PRKCE: variants seen among roughly 807,000 people sequenced by gnomAD.
PRKCE encodes the protein protein kinase C epsilon.
A neutral mutation model predicts 85.4 loss-of-function variants in PRKCE; 16 were observed. The ratio of observed to expected loss-of-function variants is 0.19; its 90% CI spans 0.13 to 0.28. PRKCE has a LOEUF of 0.28. PRKCE is among the 10% of genes least tolerant of loss of function. The pLI is 1.00. For missense variants in PRKCE, 573 were observed against 975.2 expected (o/e 0.59, Z 5.49); for synonymous variants, 388 against 371.5 (o/e 1.04, Z -0.51).
At chr2:45,761,866 C>T (rs549989817) in intron 1 of PRKCE, among the ~76,000 whole-genome samples, 61 of 152,288 alleles carry the variant, frequency 4.0e-4, no homozygotes, top group South Asian at 1.7e-3. Flanking sequence ...TGCATCCCAT[C>T]GGTCCCTTCC....
chr2:46,010,792 C>A, intron 10 of PRKCE: 1 of 1,591,024 alleles, frequency 6.3e-7, no homozygotes. Context: ...ACTGTTTGCT[C>A]ATTGGAAAAA....
intron 1 of PRKCE, among the ~76,000 whole-genome samples, chr2:45,794,543 G>C (rs774180306): frequency 6.6e-6 from 1 of 152,106 alleles, no homozygotes; most frequent in Non-Finnish European, 1.5e-5. Context: ...GGCTTTCTGT[G>C]GTTTCAAGCG....
intron 1 of PRKCE, among the ~76,000 whole-genome samples, chr2:45,728,521 C>T (rs1052595834): frequency 6.6e-6 from 1 of 152,124 alleles, no homozygotes; most frequent in Non-Finnish European, 1.5e-5. Flanking sequence ...GGTGCAAGTG[C>T]TATTGGGTGT....
chr2:45,850,166 A>G (rs140217278), intron 2 of PRKCE, among the ~76,000 whole-genome samples: 12 of 152,340 alleles, frequency 7.9e-5, no homozygotes, highest in African/African-American at 9.6e-5. Flanking sequence ...TGGAGAGCAG[A>G]GCTCTTTTGA....
intron 9 of PRKCE, among the ~76,000 whole-genome samples, chr2:46,008,359 G>C (rs1183513057): frequency 1.3e-5 from 2 of 152,198 alleles, no homozygotes; most frequent in Non-Finnish European, 2.9e-5. Context: ...GGCTGGGTGA[G>C]ATGGAAAAAT....
chr2:46,100,488 C>A lies in PRKCE; in HGVS notation c.1592+14126C>A, dbSNP rs547644979. Among the ~76,000 whole-genome samples, 4 of 152,310 alleles carry A rather than the reference C, an allele frequency of 2.6e-5. No individual in the cohort carries two copies. The East Asian group carries it at 7.7e-4, about 29-fold the overall frequency. ...TAAGCAAGAACTGCTGGCCGAGGAG[C>A]AGGGATGCTTGCTCAGAAGTCCTAG... On this transcript the variant is annotated intron_variant, in intron 11 of 14. Transcript: ENST00000306156.
chr2:45,672,629 C>A (rs547905173), intron 1 of PRKCE, among the ~76,000 whole-genome samples: 1 of 152,332 alleles, frequency 6.6e-6, no homozygotes, highest in African/African-American at 2.4e-5. Flanking sequence ...ATTGACCAGA[C>A]TACCCTGTGG....
chr2:45,735,449 A>T (rs1681974223), intron 1 of PRKCE, among the ~76,000 whole-genome samples: 1 of 152,224 alleles, frequency 6.6e-6, no homozygotes, highest in African/African-American at 2.4e-5. Flanking sequence ...TCCTCCATGG[A>T]TTAGCTTTGG....
At chr2:45,688,920 G>T (rs192175120) in intron 1 of PRKCE, among the ~76,000 whole-genome samples, 36 of 152,338 alleles carry the variant, frequency 2.4e-4, no homozygotes, top group Admixed American at 2.2e-3. Flanking sequence ...ATCGTTGGTT[G>T]CTCATCCACA....
intron 1 of PRKCE, chr2:45,701,561 GTTTTGA>G (rs1678641512): frequency 6.6e-6 from 1 of 152,212 alleles, no homozygotes; most frequent in Non-Finnish European, 1.5e-5. Context: ...TTTGAGGGCA[GTTTTGA>G]TTTTGATACC....
chr2:45,847,392 A>G (rs761309084), intron 2 of PRKCE, among the ~76,000 whole-genome samples: 2 of 152,232 alleles, frequency 1.3e-5, no homozygotes, highest in African/African-American at 2.4e-5. Context: ...GGCTGAATCA[A>G]TCAAATCCCT....
chr2:45,783,822 C>T (rs1410967777), intron 1 of PRKCE, among the ~76,000 whole-genome samples: 2 of 152,206 alleles, frequency 1.3e-5, no homozygotes, highest in African/African-American at 2.4e-5. Context: ...AGCCCTACTC[C>T]GGACTTGTTG....
chr2:46,021,731 T>G (rs1376386194), intron 10 of PRKCE, among the ~76,000 whole-genome samples: 1 of 152,208 alleles, frequency 6.6e-6, no homozygotes, highest in African/African-American at 2.4e-5. Flanking sequence ...GTCTAAGTTA[T>G]CTAACCCGGT....
At chr2:45,901,040 C>T (rs1330868314) in intron 2 of PRKCE, among the ~76,000 whole-genome samples, 1 of 152,186 alleles carries the variant, frequency 6.6e-6, no homozygotes, top group Non-Finnish European at 1.5e-5. Flanking sequence ...GATGCTTTCG[C>T]TGGGTTGGCT....
At position 45,895,315 on chromosome 2, in the gene PRKCE, G is replaced by C. The variant is rs1230664395; in HGVS notation, c.412+52252G>C. Among the ~76,000 whole-genome samples the C allele has an allele frequency of 6.6e-6, 1 of 152,182 alleles. No homozygotes were observed. Among genetic ancestry groups the C allele is most frequent in the Non-Finnish European group, 1.5e-5 (1 of 68,038 alleles). ...CGGTAACAGTACCTCTCCATCCACA[G>C]TGACTTATATGGACTTAAGGGAGTT... On this transcript the variant is annotated intron_variant, in intron 2 of 14. Transcript: ENST00000306156. The surrounding 1 kb of genome is among the most constrained non-coding windows in gnomAD (Gnocchi z 4.8).
intron 1 of PRKCE, among the ~76,000 whole-genome samples, chr2:45,795,454 GC>G (rs995204888): frequency 1.7e-4 from 26 of 152,170 alleles, no homozygotes; most frequent in African/African-American, 6.3e-4. Flanking sequence ...GATTACAGGT[GC>G]CCACCACCAC....
chr2:45,778,096 G>A (rs1685895004), intron 1 of PRKCE, among the ~76,000 whole-genome samples: 1 of 137,628 alleles, frequency 7.3e-6, no homozygotes, highest in African/African-American at 2.6e-5. Flanking sequence ...TGGGAGCATT[G>A]AGGAAGAGTA....
At chr2:45,800,125 T>C (rs1573405476) in intron 1 of PRKCE, among the ~76,000 whole-genome samples, 1 of 151,964 alleles carries the variant, frequency 6.6e-6, no homozygotes, top group Non-Finnish European at 1.5e-5. Flanking sequence ...CAGGGTAGGG[T>C]AGTGGTGGCG....
chr2:46,182,444 G>C (rs539859581), intron 14 of PRKCE, among the ~76,000 whole-genome samples: 2 of 152,090 alleles, frequency 1.3e-5, no homozygotes, highest in Admixed American at 6.5e-5. Context: ...TCCTGCCGGG[G>C]GCCAGCCCTC....
Sources: gnomAD v4.1 joint callset for allele counts (sites outside exome capture counted in the v4.1 genomes callset) on GRCh38, gnomAD v4.1.1 for gene constraint, Gnocchi (gnomAD v3.1) non-coding constraint, MANE v1.5 for transcripts, NCBI Gene and HGNC (gene_info 2026-07-23, HGNC 2026-07-21) for gene names.